SYTL2: variants seen among roughly 807,000 people sequenced by gnomAD.
The protein encoded by SYTL2 is synaptotagmin-like protein 2.
A neutral mutation model predicts 198.7 loss-of-function variants in SYTL2; 165 were observed. That is an observed-to-expected ratio of 0.83 (90% confidence interval 0.73 to 0.94). SYTL2 has a LOEUF of 0.94. Among genes scored for constraint, SYTL2 ranks in the 40% least tolerant of loss-of-function variants. The pLI is 0.00. For missense variants in SYTL2, 2,835 were observed against 2,582.8 expected (o/e 1.10, Z -2.12); for synonymous variants, 966 against 917.7 (o/e 1.05, Z -0.95).
intron 5 of SYTL2, among the ~76,000 whole-genome samples, chr11:85,736,961 C>A (rs991475794): frequency 2.0e-5 from 3 of 152,144 alleles, no homozygotes; most frequent in African/African-American, 7.2e-5. Context: ...AGGTCAGAGT[C>A]CCACCAGTGA....
the SYTL2 span, among the ~76,000 whole-genome samples, chr11:85,833,040 AAAG>A: frequency 5.2e-3 from 122 of 23,466 alleles, 10 homozygotes; most frequent in African/African-American, 0.02. Flanking sequence ...AGAAAGAAAG[AAAG>A]AAAGAAAGAA....
rs773114365 is a variant in SYTL2 at position 85,725,199 on chromosome 11, C to T, written c.4159G>A (p.Ala1387Thr). Residue 1387 changes from alanine (A) to threonine (T), a missense_variant, in exon 8 of 20, where the codon GCT (alanine) becomes ACT (threonine). Coordinates refer to ENST00000359152, the MANE Select transcript of SYTL2 (RefSeq NM_206927.4). Reference sequence around the variant, plus strand: ...TCTCCAGGACCTACTTCCCTTCCAGCTGGATAACTTAACCATACTTCTCCA... The same window carrying T: ...TCTCCAGGACCTACTTCCCTTCCAGTTGGATAACTTAACCATACTTCTCCA... ...LCGEVWLSYP[A>T]GREVGPGEVN... 5.0e-6 allele frequency: 8 copies of T among 1,614,168 alleles called. No homozygotes were observed. Among genetic ancestry groups the T allele is most frequent in the Non-Finnish European group, 5.9e-6 (7 of 1,180,012 alleles).
chr11:85,842,894 C>T, the SYTL2 span, among the ~76,000 whole-genome samples: 1 of 152,136 alleles, frequency 6.6e-6, no homozygotes, highest in Non-Finnish European at 1.5e-5. Context: ...GAAGAGAGAG[C>T]CTACCATAGT....
At chr11:85,816,629 G>C in the SYTL2 span, among the ~76,000 whole-genome samples, 1 of 152,182 alleles carries the variant, frequency 6.6e-6, no homozygotes, top group Non-Finnish European at 1.5e-5. Context: ...GGTTAGAATG[G>C]CTGGGTACAG....
At position 85,707,441 on chromosome 11, in the gene SYTL2, G is replaced by T; in HGVS notation, c.6006C>A (p.Asn2002Lys). The T allele has an allele frequency of 6.2e-7, 1 of 1,612,858 alleles. No individual in the cohort carries two copies. The highest frequency in any genetic ancestry group is 8.5e-7 in the Non-Finnish European group (1 of 1,179,068). Residue 2002 changes from asparagine (N) to lysine (K), a missense_variant, in exon 15 of 20, where the codon AAC becomes AAA. By Grantham distance (94) the Asn-to-Lys change is moderately conservative. This residue lies in a region of SYTL2 where 2,645 missense variants were observed against 2,381.7 expected (regional missense o/e 1.11). Coordinates refer to ENST00000359152, the MANE Select transcript of SYTL2 (RefSeq NM_206927.4). ...AGTTCATAGATACCCGCAGTATTTC[G>T]TTATACACAGGATTCAAGGTTTTCT... Reference protein sequence around the residue: ...VVKKTLNPVYNEILRYKIEKQ... With the variant: ...VVKKTLNPVYKEILRYKIEKQ...
chr11:85,848,622 CTTGA>C, the SYTL2 span, among the ~76,000 whole-genome samples: 74 of 152,086 alleles, frequency 4.9e-4, no homozygotes, highest in Non-Finnish European at 8.7e-4. Context: ...AAGTATGTTT[CTTGA>C]TTTTTTGTTA....
intron 3 of SYTL2, among the ~76,000 whole-genome samples, chr11:85,746,862 G>A (rs2153522996): frequency 6.6e-6 from 1 of 152,250 alleles, no homozygotes; most frequent in Admixed American, 6.5e-5. Flanking sequence ...TGAAATCCTG[G>A]CTCTGCCATT....
the SYTL2 span, among the ~76,000 whole-genome samples, chr11:85,848,819 G>C: frequency 2.0e-5 from 3 of 152,140 alleles, no homozygotes; most frequent in South Asian, 6.2e-4. Flanking sequence ...ACTGTCCTGG[G>C]CTCCTCTTAT....
chr11:85,782,814 G>A (rs2092582298), intron 1 of SYTL2, among the ~76,000 whole-genome samples: 1 of 152,184 alleles, frequency 6.6e-6, no homozygotes, highest in South Asian at 2.1e-4. Flanking sequence ...AAAGCATGAT[G>A]AGCTTTGCTC....
intron 14 of SYTL2, chr11:85,707,963 A>AAG: frequency 4.3e-6 from 1 of 234,204 alleles, no homozygotes; most frequent in Non-Finnish European, 8.4e-6. Flanking sequence ...TCTCAAAAAA[A>AAG]AAAAAAAAAA....
the SYTL2 span, chr11:85,853,149 G>A: frequency 1.2e-4 from 40 of 324,836 alleles, no homozygotes; most frequent in African/African-American, 8.8e-4. Flanking sequence ...CCGCCACCCC[G>A]TCTGGGAGGC....
intron 1 of SYTL2, among the ~76,000 whole-genome samples, chr11:85,796,419 T>C (rs1160093805): frequency 6.6e-6 from 1 of 152,218 alleles, no homozygotes; most frequent in Non-Finnish European, 1.5e-5. Context: ...TTTAGAGAAA[T>C]AATGAAAGTG....
At chr11:85,705,586 C>T (rs1591590869) in intron 15 of SYTL2, among the ~76,000 whole-genome samples, 1 of 152,176 alleles carries the variant, frequency 6.6e-6, no homozygotes, top group East Asian at 1.9e-4. Flanking sequence ...TCTTTTCCTG[C>T]TGCATATGGC....
the SYTL2 span, among the ~76,000 whole-genome samples, chr11:85,826,115 T>A: frequency 1.3e-5 from 2 of 152,246 alleles, no homozygotes; most frequent in African/African-American, 2.4e-5. Context: ...AACATTGATA[T>A]TCCCTGGGAA....
chr11:85,725,240 G>C lies in SYTL2; in HGVS notation c.4118C>G (p.Ala1373Gly). The change falls in exon 8 of 20, where the codon GCA becomes GGA. Residue 1373 changes from alanine to glycine, a missense_variant. Transcript: ENST00000359152. ...PRPVLNDVSA[A>G]LQKLCGEVWL... is the part of the protein sequence containing the mutation. ...TACTTCTCCACACAGCTTCTGTAAT[G>C]CAGCACTTACATCATTCAATACAGG... 1.2e-6 allele frequency: 2 copies of C among 1,614,112 alleles called. No individual in the cohort carries two copies. Among genetic ancestry groups the C allele is most frequent in the Non-Finnish European group, 1.7e-6 (2 of 1,180,002 alleles).
chr11:85,808,152 C>T (rs1196505505), intron 1 of SYTL2, among the ~76,000 whole-genome samples: 6 of 152,192 alleles, frequency 3.9e-5, no homozygotes, highest in Admixed American at 2.0e-4. Context: ...CTGCAACCTC[C>T]GCCTCCCGGG....
At position 85,727,430 on chromosome 11, in the gene SYTL2, C is replaced by G; in HGVS notation, c.1928G>C (p.Gly643Ala). ...PFESYGTPSQ[G>A]SKNMDYSQDS... is the part of the protein sequence containing the mutation. ...TTGGCTATAGTCCATATTTTTACTC[C>G]CTTGACTTGGGGTGCCATAGCTTTC... The change falls in exon 8 of 20, where the codon GGG becomes GCG. Residue 643 changes from glycine to alanine, a missense_variant. Physicochemically the swap from Gly to Ala is moderately conservative, Grantham distance 60. Coordinates refer to ENST00000359152, the MANE Select transcript of SYTL2 (RefSeq NM_206927.4). 1 of 1,536,232 alleles carries G rather than the reference C, an allele frequency of 6.5e-7. No individual in the cohort carries two copies. Among genetic ancestry groups the G allele is most frequent in the Non-Finnish European group, 8.7e-7 (1 of 1,146,902 alleles).
intron 1 of SYTL2, among the ~76,000 whole-genome samples, chr11:85,795,877 A>C (rs943231172): frequency 7.9e-5 from 12 of 151,878 alleles, no homozygotes; most frequent in Admixed American, 5.3e-4. Context: ...GAAGGCTGCC[A>C]CTCTGGAAAT....
chr11:85,702,077 C>A (rs1343310046), intron 16 of SYTL2, among the ~76,000 whole-genome samples: 2 of 152,112 alleles, frequency 1.3e-5, no homozygotes, highest in African/African-American at 4.8e-5. Context: ...CACTCTAGAC[C>A]AGTGGTTTTC....
Sources: gnomAD v4.1 joint callset for allele counts (sites outside exome capture counted in the v4.1 genomes callset) on GRCh38, gnomAD v4.1.1 for gene constraint, gnomAD v4.1.1 regional missense constraint, MANE v1.5 for transcripts, NCBI Gene and HGNC (gene_info 2026-07-23, HGNC 2026-07-21) for gene names.